The following AGL variants were observed in gnomAD, a reference collection of about 807,000 sequenced individuals.
AGL encodes glycogen debranching enzyme.
AGL carries 128 observed loss-of-function variants against 199.3 expected under a neutral mutation model. The observed-to-expected ratio is 0.64, with a 90% confidence interval of 0.56 to 0.74. AGL has a LOEUF of 0.74. AGL is among the 30% of genes least tolerant of loss of function. AGL has a pLI of 0.00. For missense variants in AGL, 1,809 were observed against 1,820.8 expected, an observed-to-expected ratio of 0.99 and a Z score of 0.12; for synonymous variants, 584 against 594.7, an observed-to-expected ratio of 0.98 and a Z score of 0.26.
At chr1:99,903,893 T>G (rs1654046747) in intron 27 of AGL, among the ~76,000 whole-genome samples, 1 of 152,196 alleles carries the variant, frequency 6.6e-6, no homozygotes, top group Non-Finnish European at 1.5e-5. Context: ...CCAGTGATGA[T>G]GAGCATTTTT....
chr1:99,899,077 A>G (rs1653581020), intron 25 of AGL, among the ~76,000 whole-genome samples: 1 of 152,048 alleles, frequency 6.6e-6, no homozygotes, highest in Non-Finnish European at 1.5e-5. Flanking sequence ...TCTTAAAAAA[A>G]CAAATATATA....
intron 15 of AGL, 28 bp from the exon 16 acceptor site, chr1:99,881,264 A>G: frequency 6.2e-7 from 1 of 1,613,930 alleles, no homozygotes; most frequent in Non-Finnish European, 8.5e-7. Context: ...ATTAAGATGT[A>G]TCCATGCTAA....
At chr1:99,906,480 CTTT>C (rs776916845) in intron 27 of AGL, among the ~76,000 whole-genome samples, 6 of 152,088 alleles carry the variant, frequency 3.9e-5, no homozygotes, top group Non-Finnish European at 7.4e-5. Context: ...ATCTCTAGAA[CTTT>C]TTTACCTTGC....
At chr1:99,904,904 T>G (rs572019436) in intron 27 of AGL, among the ~76,000 whole-genome samples, 1 of 152,352 alleles carries the variant, frequency 6.6e-6, no homozygotes, top group East Asian at 1.9e-4. Flanking sequence ...TGTTTTCATG[T>G]TTTGGCTAAT....
intron 5 of AGL, among the ~76,000 whole-genome samples, chr1:99,867,562 CT>C (rs778624673): frequency 3.0e-4 from 44 of 145,784 alleles, no homozygotes; most frequent in Non-Finnish European, 4.6e-4. Flanking sequence ...TTTTTTTTCT[CT>C]TTTTTTTTTT....
At chr1:99,855,526 C>A (rs1344039497) in intron 2 of AGL, among the ~76,000 whole-genome samples, 1 of 152,114 alleles carries the variant, frequency 6.6e-6, no homozygotes, top group Admixed American at 6.5e-5. Flanking sequence ...TCAGGCCGAG[C>A]ACGGTGGCTT....
At chr1:99,858,197 G>A (rs970625800) in intron 2 of AGL, among the ~76,000 whole-genome samples, 3 of 152,148 alleles carry the variant, frequency 2.0e-5, no homozygotes, top group Admixed American at 2.0e-4. Context: ...TACCTCACAG[G>A]AGTGATCGAA....
At chr1:99,851,146 T>C in intron 2 of AGL, 22 bp downstream of exon 2, 4 of 1,585,440 alleles carry the variant, frequency 2.5e-6, no homozygotes, top group Non-Finnish European at 3.5e-6. Context: ...GTTGTTTTGA[T>C]TTGCTCATTT....
chr1:99,873,875 T>G (rs886649837), intron 7 of AGL, among the ~76,000 whole-genome samples: 2 of 152,194 alleles, frequency 1.3e-5, no homozygotes, highest in Non-Finnish European at 1.5e-5. Flanking sequence ...TTGTTCGTGT[T>G]TTTATAAGTC....
At chr1:99,904,857 T>G (rs1385463695) in intron 27 of AGL, among the ~76,000 whole-genome samples, 1 of 151,966 alleles carries the variant, frequency 6.6e-6, no homozygotes. Flanking sequence ...ATTTAACCAT[T>G]CATCCAAACC....
intron 2 of AGL, chr1:99,852,680 T>G: frequency 1.3e-6 from 1 of 780,022 alleles, no homozygotes; most frequent in South Asian, 1.3e-5. Flanking sequence ...ATGGCCCCAA[T>G]TCTGAGCATT....
At chr1:99,894,202 T>C (rs926559316) in intron 24 of AGL, among the ~76,000 whole-genome samples, 7 of 151,026 alleles carry the variant, frequency 4.6e-5, no homozygotes, top group African/African-American at 1.7e-4. Context: ...AAAAAAAAAA[T>C]TTGTAGCCTG....
chr1:99,879,273 G>A (rs1355395532), intron 12 of AGL, among the ~76,000 whole-genome samples: 2 of 152,084 alleles, frequency 1.3e-5, no homozygotes, highest in Non-Finnish European at 2.9e-5. Context: ...TGGAAATTAA[G>A]TCTGATTAAA....
At chr1:99,867,839 T>TGCA (rs1650654916) in intron 5 of AGL, among the ~76,000 whole-genome samples, 1 of 152,188 alleles carries the variant, frequency 6.6e-6, no homozygotes, top group Non-Finnish European at 1.5e-5. Flanking sequence ...GCAGAAGTTC[T>TGCA]ATTCCAAGCA....
At chr1:99,854,763 CAA>C (rs11368135) in intron 2 of AGL, among the ~76,000 whole-genome samples, 26 of 84,102 alleles carry the variant, frequency 3.1e-4, no homozygotes, top group African/African-American at 5.5e-4. Flanking sequence ...GATGCCGTCT[CAA>C]AAAAAAAAAA....
rs909405065 is a variant in AGL, at chr1:99,852,710, T to C, written c.82+1586T>C. The C allele has an allele frequency of 1.0e-5, 8 of 780,698 alleles. No individual in the cohort carries two copies. In the East Asian group the frequency reaches 1.9e-4, roughly 19 times the overall value. The allele number at this position is 780,698 out of a possible 1,614,324, so 48.4% of individuals were successfully genotyped here. ...AGCATTAATTTATTTATTGGTGAGA[T>C]GAAAGTGGTAATTTCTGTTCTTCTA... On this transcript the variant is annotated intron_variant, in intron 2 of 33. Coordinates refer to ENST00000361915, the MANE Select transcript of AGL (RefSeq NM_000642.3).
intron 29 of AGL, among the ~76,000 whole-genome samples, chr1:99,912,817 T>G (rs1402166759): frequency 6.6e-6 from 1 of 152,230 alleles, no homozygotes; most frequent in Non-Finnish European, 1.5e-5. Context: ...TTACATGTCT[T>G]TTTCTAGAAT....
chr1:99,898,249 T>C (rs922406442), intron 25 of AGL, among the ~76,000 whole-genome samples: 2 of 152,162 alleles, frequency 1.3e-5, no homozygotes, highest in Non-Finnish European at 2.9e-5. Flanking sequence ...GGTTTCACCA[T>C]GTTAGCCAGG....
intron 33 of AGL, among the ~76,000 whole-genome samples, chr1:99,917,266 A>G (rs1655193495): frequency 6.6e-6 from 1 of 152,160 alleles, no homozygotes; most frequent in South Asian, 2.1e-4. Flanking sequence ...CAAATTTTAG[A>G]TTATACCTAA....
Sources: allele counts gnomAD v4.1 joint callset (sites outside exome capture counted in the v4.1 genomes callset), GRCh38; gene constraint gnomAD v4.1.1; transcripts MANE v1.5; gene names NCBI Gene and HGNC (gene_info 2026-07-23, HGNC 2026-07-21).